The following SCN11A variants were observed in gnomAD, a reference collection of about 807,000 sequenced individuals.
The protein encoded by SCN11A is sodium channel protein type 11 subunit alpha.
In SCN11A, 122 loss-of-function variants were observed where a neutral mutation model predicts 162.2. The ratio of observed to expected loss-of-function variants is 0.75; its 90% confidence interval spans 0.65 to 0.87. SCN11A has a LOEUF of 0.87. Ranked by LOEUF, SCN11A falls within the 40% of genes least tolerant of loss-of-function variation. SCN11A has a pLI of 0.00. For missense variants in SCN11A, 2,015 were observed against 2,181.6 expected, an observed-to-expected ratio of 0.92 and a Z score of 1.52; for synonymous variants, 758 against 751.5, an observed-to-expected ratio of 1.01 and a Z score of -0.14.
intron 7 of SCN11A, among the ~76,000 whole-genome samples, chr3:38,939,172 C>CA (rs2066402300): frequency 6.6e-6 from 1 of 151,420 alleles, no homozygotes; most frequent in South Asian, 2.1e-4. Context: ...GATTCTGTCT[C>CA]AAAAAATACT....
intron 24 of SCN11A, 102 bp downstream of exon 24, chr3:38,872,091 A>T: frequency 1.3e-6 from 1 of 776,110 alleles, no homozygotes; most frequent in Non-Finnish European, 2.3e-6. Flanking sequence ...GTAACCCAGG[A>T]AAAGCTTGGC....
At chr3:38,966,807 T>C (rs1173634716) in intron 2 of SCN11A, among the ~76,000 whole-genome samples, 1 of 152,246 alleles carries the variant, frequency 6.6e-6, no homozygotes, top group Non-Finnish European at 1.5e-5. Flanking sequence ...CCTTGGCTTC[T>C]GTGAAGCCTT....
Position 38,909,091 on chromosome 3 carries a change from G to A in SCN11A, c.1205C>T (p.Ala402Val), listed in dbSNP as rs1329799173. ...INLTLAVVTM[A>V]YEEQNKNVAA... ...TACATTCTTGTTCTGCTCCTCATATGCCATGGTAACAACAGCCAGGGTTAA... is the reference window on the plus strand; with the variant it reads ...TACATTCTTGTTCTGCTCCTCATATACCATGGTAACAACAGCCAGGGTTAA... The change falls in exon 13 of 30, where the codon GCA becomes GTA. Residue 402 changes from alanine to valine, a missense_variant. By Grantham distance (64) the Ala-to-Val change is moderately conservative. Transcript: ENST00000302328. The A allele has an allele frequency of 1.2e-6, 2 of 1,614,086 alleles. No individual in the cohort carries two copies. Among genetic ancestry groups the A allele is most frequent in the South Asian group, 2.2e-5 (2 of 91,070 alleles).
intron 2 of SCN11A, among the ~76,000 whole-genome samples, chr3:38,983,130 T>C (rs2125591133): frequency 6.6e-6 from 1 of 152,320 alleles, no homozygotes; most frequent in African/African-American, 2.4e-5. Context: ...CTCACCACTC[T>C]TCTTACTGTG....
intron 24 of SCN11A, 151 bp from the exon 25 acceptor site, chr3:38,871,859 C>A: frequency 1.5e-6 from 1 of 683,920 alleles, no homozygotes; most frequent in Non-Finnish European, 2.4e-6. Flanking sequence ...CCATGACAAG[C>A]CCTGCTCTCA....
chr3:39,035,565 G>A (rs2031882717), intron 1 of SCN11A, among the ~76,000 whole-genome samples: 1 of 152,084 alleles, frequency 6.6e-6, no homozygotes, highest in African/African-American at 2.4e-5. Context: ...TCTTTTTTTA[G>A]AGATGGGATC....
At chr3:38,921,569 T>C (rs2066053160) in intron 9 of SCN11A, among the ~76,000 whole-genome samples, 1 of 152,180 alleles carries the variant, frequency 6.6e-6, no homozygotes, top group East Asian at 1.9e-4. Context: ...AAGGCATAGG[T>C]TGAGGACAGT....
At chr3:38,847,830 G>T in intron 29 of SCN11A, 88 bp from the exon 30 acceptor site, 1 of 738,268 alleles carries the variant, frequency 1.4e-6, no homozygotes, top group Non-Finnish European at 2.2e-6. Context: ...TCCTATGGGG[G>T]CCAACTTTTT....
Position 38,945,514 on chromosome 3 carries a change from T to C in SCN11A, c.387-2A>G. ...CCGATAATGAACATGCTGAACAATGTGGCCAGCATCCATTAAGGCAGATAT... is the reference window on the plus strand; with the variant it reads ...CCGATAATGAACATGCTGAACAATGCGGCCAGCATCCATTAAGGCAGATAT... On this transcript the variant is annotated splice_acceptor_variant, in intron 6 of 29. Transcript: ENST00000302328. LOFTEE classifies it high-confidence loss of function. The C allele has an allele frequency of 6.4e-7, 1 of 1,551,096 alleles. No homozygotes were observed. Among genetic ancestry groups the C allele is most frequent in the African/African-American group, 1.4e-5 (1 of 73,516 alleles).
chr3:39,004,989 T>C (rs1208688143), intron 2 of SCN11A, among the ~76,000 whole-genome samples: 1 of 152,186 alleles, frequency 6.6e-6, no homozygotes, highest in Non-Finnish European at 1.5e-5. Flanking sequence ...TTCCTGTCCC[T>C]TTTAAGGGCT....
In SCN11A at chr3:39,050,016, G is replaced by C. The variant is rs927268888; in HGVS notation, c.-404+1845C>G. 2.0e-5 allele frequency among the ~76,000 whole-genome samples: 3 copies of C among 152,158 alleles called. No homozygotes were observed. The South Asian group carries it at 6.2e-4, about 32-fold the overall frequency. On this transcript the variant is annotated intron_variant, in intron 1 of 29. Transcript: ENST00000302328. ...CTAGCAAGTACCAGTATATTGTCCAGAGCAACATACCTGTATTGTATTTTG... is the reference window on the plus strand; with the variant it reads ...CTAGCAAGTACCAGTATATTGTCCACAGCAACATACCTGTATTGTATTTTG...
At chr3:38,983,692 T>A (rs1222594280) in intron 2 of SCN11A, among the ~76,000 whole-genome samples, 1 of 152,252 alleles carries the variant, frequency 6.6e-6, no homozygotes, top group African/African-American at 2.4e-5. Context: ...CTCTTTGAGT[T>A]GCTAATGACT....
chr3:38,939,636 G>A (rs1457810271), intron 7 of SCN11A, among the ~76,000 whole-genome samples: 1 of 152,150 alleles, frequency 6.6e-6, no homozygotes, highest in Admixed American at 6.5e-5. Context: ...GGGCGCAGTG[G>A]CTCTTGCCTG....
intron 11 of SCN11A, 38 bp from the exon 12 acceptor site, chr3:38,910,245 G>C (rs372275938): frequency 1.3e-6 from 2 of 1,589,646 alleles, no homozygotes; most frequent in South Asian, 2.3e-5. Context: ...AATTATGTAC[G>C]CCACAGCCAA....
intron 1 of SCN11A, among the ~76,000 whole-genome samples, chr3:39,043,938 T>G (rs530021363): frequency 1.1e-4 from 17 of 152,318 alleles, no homozygotes; most frequent in Non-Finnish European, 1.9e-4. Context: ...ATTGCCTGCC[T>G]GTCCCAAAAG....
chr3:39,046,354 G>T (rs1179265457), intron 1 of SCN11A, among the ~76,000 whole-genome samples: 1 of 152,022 alleles, frequency 6.6e-6, no homozygotes, highest in African/African-American at 2.4e-5. Flanking sequence ...AAACTCTGAT[G>T]AAATAAATTG....
chr3:38,908,146 A>C, intron 13 of SCN11A, 24 bp from the exon 14 acceptor site: 1 of 1,602,536 alleles, frequency 6.2e-7, no homozygotes, highest in African/African-American at 1.3e-5. Flanking sequence ...AAAAGCAATT[A>C]AAGAACAGAT....
intron 2 of SCN11A, among the ~76,000 whole-genome samples, chr3:39,010,566 G>A (rs1416819883): frequency 5.9e-5 from 9 of 152,098 alleles, no homozygotes; most frequent in African/African-American, 1.9e-4. Context: ...TTTTAGTAGA[G>A]ATGGGGTTTC....
chr3:39,038,722 C>T (rs1212080382), intron 1 of SCN11A, among the ~76,000 whole-genome samples: 2 of 152,132 alleles, frequency 1.3e-5, no homozygotes, highest in Admixed American at 6.5e-5. Flanking sequence ...GTACTGATTT[C>T]GTATCCACAT....
Sources: gnomAD v4.1 joint callset for allele counts (sites outside exome capture counted in the v4.1 genomes callset) on GRCh38, gnomAD v4.1.1 for gene constraint, MANE v1.5 for transcripts, NCBI Gene and HGNC (gene_info 2026-07-23, HGNC 2026-07-21) for gene names.